Variants in MYO5B observed in about 807,000 individuals in gnomAD.
MYO5B encodes the protein unconventional myosin-Vb.
MYO5B carries 143 observed loss-of-function variants against 229.3 expected under a neutral mutation model. That is an observed-to-expected ratio of 0.62 (90% CI 0.54 to 0.72). The LOEUF is 0.72. Ranked by LOEUF, MYO5B falls within the 30% of genes least tolerant of loss-of-function variation. The probability of loss-of-function intolerance (pLI) is 0.00; values close to 1 mark genes in which losing one functional copy is unlikely to be tolerated. For missense variants in MYO5B, 2,321 were observed against 2,331.0 expected (o/e 1.00, Z 0.09); for synonymous variants, 918 against 885.2 (o/e 1.04, Z -0.66).
chr18:49,943,370 T>A (rs1369184434), intron 14 of MYO5B, among the ~76,000 whole-genome samples: 16 of 151,950 alleles, frequency 1.1e-4, no homozygotes, highest in South Asian at 4.2e-4. Context: ...AAAAAAAAAA[T>A]TTTCCTCCCT....
chr18:50,046,964 T>G (rs925484957), intron 2 of MYO5B, among the ~76,000 whole-genome samples: 1 of 152,144 alleles, frequency 6.6e-6, no homozygotes, highest in African/African-American at 2.4e-5. Context: ...ACTTACATGT[T>G]AGACCTAAAA....
chr18:50,071,865 G>A (rs2030965133), intron 1 of MYO5B, among the ~76,000 whole-genome samples: 1 of 152,224 alleles, frequency 6.6e-6, no homozygotes, highest in Admixed American at 6.5e-5. Flanking sequence ...AGCTATAGGG[G>A]AGCATCTGAG....
intron 1 of MYO5B, among the ~76,000 whole-genome samples, chr18:50,155,287 C>T (rs567082946): frequency 1.3e-5 from 2 of 152,024 alleles, no homozygotes; most frequent in East Asian, 1.9e-4. Context: ...ATAGCTCATT[C>T]GTAGAATGAA....
chr18:50,065,027 C>A (rs754514356), intron 1 of MYO5B, among the ~76,000 whole-genome samples: 3 of 152,208 alleles, frequency 2.0e-5, no homozygotes, highest in Non-Finnish European at 4.4e-5. Flanking sequence ...GATGACCTAT[C>A]TCAGAACTTA....
intron 15 of MYO5B, 51 bp downstream of exon 15, chr18:49,937,194 G>T: frequency 6.2e-7 from 1 of 1,607,634 alleles, no homozygotes. Flanking sequence ...TCTACAGAGA[G>T]GCCAGCCCTG....
intron 14 of MYO5B, among the ~76,000 whole-genome samples, chr18:49,950,218 T>C (rs901007621): frequency 6.6e-6 from 1 of 152,182 alleles, no homozygotes; most frequent in Non-Finnish European, 1.5e-5. Context: ...CTCAGGGTTG[T>C]TGCTGGGATG....
intron 18 of MYO5B, among the ~76,000 whole-genome samples, chr18:49,910,855 T>C (rs2024949704): frequency 6.6e-6 from 1 of 152,178 alleles, no homozygotes; most frequent in African/African-American, 2.4e-5. Flanking sequence ...ATTACCTTGT[T>C]CAAGTGATTT....
At chr18:50,176,051 T>C (rs934706576) in intron 1 of MYO5B, among the ~76,000 whole-genome samples, 1 of 152,256 alleles carries the variant, frequency 6.6e-6, no homozygotes, top group Non-Finnish European at 1.5e-5. Flanking sequence ...CCTCACATGC[T>C]ATGGTTTCCA....
chr18:49,851,483 C>T (rs1296930118), intron 31 of MYO5B, among the ~76,000 whole-genome samples: 1 of 152,206 alleles, frequency 6.6e-6, no homozygotes, highest in Non-Finnish European at 1.5e-5. Context: ...ATAAAGGGAA[C>T]ATAGTGCTGG....
chr18:49,913,707 G>A (rs555707246), intron 17 of MYO5B, among the ~76,000 whole-genome samples: 47 of 152,186 alleles, frequency 3.1e-4, no homozygotes, highest in African/African-American at 6.3e-4. Flanking sequence ...AAATGAGGAT[G>A]GGCATTCCTG....
rs771451231 is a variant in MYO5B at position 49,990,433 on chromosome 18, A to C, written c.838+6T>G. On this transcript the variant is annotated splice_donor_region_variant and intron_variant, in intron 7 of 39. Transcript: ENST00000285039. ...CCAGAGGATAGGCATGCACCTGTTG[A>C]CTTACTTAGTGCAAGCTCTTTAAAT... The C allele has an allele frequency of 1.2e-6, 2 of 1,611,966 alleles. No individual in the cohort carries two copies. Among genetic ancestry groups the C allele is most frequent in the Non-Finnish European group, 1.7e-6 (2 of 1,178,156 alleles).
intron 10 of MYO5B, chr18:49,970,106 G>A (rs1352317624): frequency 6.6e-6 from 1 of 152,236 alleles, no homozygotes; most frequent in African/African-American, 2.4e-5. Flanking sequence ...AAGGATTACA[G>A]ACTGCAATTA....
intron 24 of MYO5B, 63 bp downstream of exon 24, chr18:49,878,882 T>C: frequency 6.3e-7 from 1 of 1,587,016 alleles, no homozygotes; most frequent in Non-Finnish European, 8.6e-7. Context: ...TGAGATCACG[T>C]GGTCAGAAGC....
intron 4 of MYO5B, among the ~76,000 whole-genome samples, chr18:50,007,124 G>A (rs1197173959): frequency 6.6e-6 from 1 of 152,116 alleles, no homozygotes; most frequent in East Asian, 1.9e-4. Flanking sequence ...CACTCAGTTC[G>A]CACATCACTA....
At position 49,990,460 on chromosome 18, in the gene MYO5B, C is replaced by T. The variant is rs1389349049; in HGVS notation, c.817G>A (p.Glu273Lys). 2.5e-6 allele frequency: 4 copies of T among 1,613,840 alleles called. No individual in the cohort carries two copies. Among genetic ancestry groups the T allele is most frequent in the Non-Finnish European group, 3.4e-6 (4 of 1,179,796 alleles). The change falls in exon 7 of 40, where the codon GAA becomes AAA. Residue 273 changes from glutamate (E) to lysine (K), a missense_variant. By Grantham distance (56) the Glu-to-Lys change is moderately conservative (BLOSUM62 1). Coordinates refer to ENST00000285039, the MANE Select transcript of MYO5B (RefSeq NM_001080467.3). ...TTACTTAGTGCAAGCTCTTTAAATTCTGGAAGACCGGCAGCAGCACAGAGC... is the reference window on the plus strand; with the variant it reads ...TTACTTAGTGCAAGCTCTTTAAATTTTGGAAGACCGGCAGCAGCACAGAGC... ...YQLCAAAGLP[E>K]FKELALTSAE...
At chr18:50,154,795 G>A (rs1000195423) in intron 1 of MYO5B, among the ~76,000 whole-genome samples, 16 of 152,322 alleles carry the variant, frequency 1.1e-4, no homozygotes, top group African/African-American at 3.4e-4. Flanking sequence ...ATGGTCAGAA[G>A]AGGGGTTCAA....
chr18:49,876,329 C>T, intron 25 of MYO5B: 1 of 251,380 alleles, frequency 4.0e-6, no homozygotes, highest in Non-Finnish European at 7.7e-6. Flanking sequence ...TCCAACAGAT[C>T]TTAAAGCATC....
At chr18:50,040,021 T>C (rs2029962300) in intron 3 of MYO5B, 122 bp downstream of exon 3, 1 of 1,115,876 alleles carries the variant, frequency 9.0e-7, no homozygotes, top group Non-Finnish European at 1.4e-6. Context: ...TTCAAGGGTC[T>C]CAGTGGAGAG....
intron 29 of MYO5B, among the ~76,000 whole-genome samples, chr18:49,858,457 C>T (rs2024288850): frequency 6.6e-6 from 1 of 152,228 alleles, no homozygotes; most frequent in Non-Finnish European, 1.5e-5. Flanking sequence ...GAGACACTGA[C>T]TCCTGCGCCA....
Sources: allele counts gnomAD v4.1 joint callset (sites outside exome capture counted in the v4.1 genomes callset), GRCh38; gene constraint gnomAD v4.1.1; transcripts MANE v1.5; gene names NCBI Gene and HGNC (gene_info 2026-07-23, HGNC 2026-07-21).